DLGAP2: variants seen among roughly 807,000 people sequenced by gnomAD.
The protein encoded by DLGAP2 is DLG associated protein 2, also known as disks large-associated protein 2.
DLGAP2 carries 26 observed loss-of-function variants against 100.3 expected under a neutral mutation model. The ratio of observed to expected loss-of-function variants is 0.26; its 90% CI spans 0.19 to 0.36. DLGAP2 has a LOEUF of 0.36. Ranked by LOEUF, DLGAP2 falls within the 10% of genes least tolerant of loss-of-function variation. DLGAP2 has a pLI of 1.00. For synonymous variants in DLGAP2, 886 were observed against 630.1 expected (o/e 1.41, Z -6.08); for missense variants, 1,858 against 1,453.2 (o/e 1.28, Z -4.53).
chr8:1,252,109 A>G (rs899778795), intron 2 of DLGAP2, among the ~76,000 whole-genome samples: 3 of 145,674 alleles, frequency 2.1e-5, no homozygotes, highest in Non-Finnish European at 4.4e-5. Flanking sequence ...TCACGGTGTC[A>G]AAGTCATGTC....
intron 3 of DLGAP2, among the ~76,000 whole-genome samples, chr8:1,344,676 A>T (rs1801514598): frequency 6.6e-6 from 1 of 152,034 alleles, no homozygotes; most frequent in Non-Finnish European, 1.5e-5. Flanking sequence ...TTCTCCACTC[A>T]GTCTCCCGCG....
intron 13 of DLGAP2, among the ~76,000 whole-genome samples, chr8:1,693,795 G>C (rs550390951): frequency 1.1e-4 from 16 of 152,184 alleles, no homozygotes; most frequent in Admixed American, 4.6e-4. Flanking sequence ...ATTTAAAAGA[G>C]GGAAATAGAA....
intron 3 of DLGAP2, among the ~76,000 whole-genome samples, chr8:1,303,953 C>G (rs958131354): frequency 1.3e-5 from 2 of 152,274 alleles, no homozygotes; most frequent in African/African-American, 4.8e-5. Flanking sequence ...TGCACTCTCA[C>G]AGAAGGGAAG....
intron 2 of DLGAP2, among the ~76,000 whole-genome samples, chr8:973,442 G>A (rs1438138730): frequency 3.3e-5 from 5 of 151,696 alleles, no homozygotes; most frequent in Admixed American, 6.6e-5. Flanking sequence ...ACGGGGTCAC[G>A]GCCGGGCAGA....
At chr8:1,096,625 G>A (rs1804378891) in intron 2 of DLGAP2, among the ~76,000 whole-genome samples, 1 of 151,690 alleles carries the variant, frequency 6.6e-6, no homozygotes, top group South Asian at 2.1e-4. Flanking sequence ...CCTCCAGCGT[G>A]AGACCCACCT....
chr8:1,438,815 C>G (rs747863864), intron 3 of DLGAP2, among the ~76,000 whole-genome samples: 20 of 152,200 alleles, frequency 1.3e-4, no homozygotes, highest in Admixed American at 7.9e-4. Context: ...AAACTGCCAT[C>G]CACAAATGTT....
At chr8:933,361 G>T (rs1324082146) in intron 2 of DLGAP2, among the ~76,000 whole-genome samples, 2 of 151,698 alleles carry the variant, frequency 1.3e-5, no homozygotes, top group Non-Finnish European at 2.9e-5. Flanking sequence ...AGGGGAGGGT[G>T]AGGGCAGAGC....
At position 1,470,077 on chromosome 8, in the gene DLGAP2, A is replaced by C. The variant is rs146928283; in HGVS notation, c.107-31289A>C. 2.3e-4 allele frequency among the ~76,000 whole-genome samples: 35 copies of C among 152,110 alleles called. 1 individual carries two copies. The highest frequency in any genetic ancestry group is 8.4e-4 in the African/African-American group (35 of 41,496). On this transcript the variant is annotated intron_variant, in intron 3 of 14. Coordinates refer to ENST00000637795, the MANE Select transcript of DLGAP2 (RefSeq NM_001346810.2). ...CTCATGAGGTTGAGGCAGGAGGATCACTTGAGCCCAGGAGGTCAAGGCTGC... is the reference window on the plus strand; with the variant it reads ...CTCATGAGGTTGAGGCAGGAGGATCCCTTGAGCCCAGGAGGTCAAGGCTGC...
At chr8:844,499 C>T (rs1480915093) in intron 1 of DLGAP2, among the ~76,000 whole-genome samples, 3 of 151,586 alleles carry the variant, frequency 2.0e-5, no homozygotes, top group Admixed American at 1.3e-4. Flanking sequence ...CAGTCTCTCT[C>T]GACCCCCTTT....
intron 3 of DLGAP2, chr8:1,300,967 G>T (rs111327055): frequency 4.0e-4 from 61 of 152,396 alleles, no homozygotes; most frequent in African/African-American, 1.5e-3. Flanking sequence ...TGTCCACTCT[G>T]TGCTCATCTG....
At chr8:1,483,769 A>G (rs143507077) in intron 3 of DLGAP2, among the ~76,000 whole-genome samples, 172 of 81,144 alleles carry the variant, frequency 2.1e-3, no homozygotes, top group East Asian at 0.018. Context: ...TGTGCAGGAC[A>G]TGGGGACCAG....
At chr8:877,305 G>T (rs950684479) in intron 1 of DLGAP2, among the ~76,000 whole-genome samples, 7 of 152,140 alleles carry the variant, frequency 4.6e-5, no homozygotes, top group African/African-American at 1.7e-4. Context: ...GCTTGTTTTT[G>T]TTGTTTCTTC....
At chr8:849,948 C>T (rs1037139587) in intron 1 of DLGAP2, among the ~76,000 whole-genome samples, 2 of 151,646 alleles carry the variant, frequency 1.3e-5, no homozygotes, top group African/African-American at 4.8e-5. Flanking sequence ...CCTGTAATTC[C>T]AGCTACTTGG....
chr8:1,023,063 G>A (rs987459515), intron 2 of DLGAP2, among the ~76,000 whole-genome samples: 2 of 152,232 alleles, frequency 1.3e-5, no homozygotes, highest in African/African-American at 4.8e-5. Flanking sequence ...GCCACATGCC[G>A]TGTGTGATGC....
chr8:1,201,052 G>A (rs374226545), intron 2 of DLGAP2, among the ~76,000 whole-genome samples: 87 of 152,262 alleles, frequency 5.7e-4, no homozygotes, highest in African/African-American at 1.8e-3. Flanking sequence ...TGGCGTGAGC[G>A]GCCAGGCGGG....
At chr8:858,148 C>G (rs370143345) in intron 1 of DLGAP2, among the ~76,000 whole-genome samples, 1 of 152,200 alleles carries the variant, frequency 6.6e-6, no homozygotes, top group Non-Finnish European at 1.5e-5. Context: ...TTAGCCACCG[C>G]GCCCAGTGCA....
intron 6 of DLGAP2, among the ~76,000 whole-genome samples, chr8:1,584,815 C>T (rs1312608472): frequency 1.3e-5 from 2 of 152,156 alleles, no homozygotes; most frequent in Non-Finnish European, 2.9e-5. Flanking sequence ...CCACCTGTTT[C>T]GTGCTGTTTC....
chr8:1,207,559 G>A (rs1333322723), intron 2 of DLGAP2, among the ~76,000 whole-genome samples: 1 of 152,112 alleles, frequency 6.6e-6, no homozygotes, highest in African/African-American at 2.4e-5. Context: ...CGTATAATGA[G>A]CCTTTTCTTC....
chr8:1,118,707 C>G (rs1275304295), intron 2 of DLGAP2, among the ~76,000 whole-genome samples: 1 of 152,026 alleles, frequency 6.6e-6, no homozygotes, highest in African/African-American at 2.4e-5. Context: ...CTATGAGGAC[C>G]GAAAGAACTT....
Sources: allele counts gnomAD v4.1 joint callset (sites outside exome capture counted in the v4.1 genomes callset), GRCh38; gene constraint gnomAD v4.1.1; transcripts MANE v1.5; gene names NCBI Gene and HGNC (gene_info 2026-07-23, HGNC 2026-07-21).